Variants in RBFOX1 observed in about 807,000 individuals in gnomAD.
The protein encoded by RBFOX1 is RNA binding fox-1 homolog 1.
RBFOX1 carries 8 observed loss-of-function variants against 57.7 expected under a neutral mutation model. The observed-to-expected ratio is 0.14, with a 90% confidence interval of 0.08 to 0.25. The LOEUF (loss-of-function observed/expected upper bound fraction) is 0.25. Among genes scored for constraint, RBFOX1 ranks in the 10% least tolerant of loss-of-function variants. The probability of loss-of-function intolerance (pLI) is 1.00; values close to 1 mark genes in which losing one functional copy is unlikely to be tolerated. For synonymous variants in RBFOX1, 326 were observed against 222.4 expected (o/e 1.47, Z -4.15); for missense variants, 611 against 548.5 (o/e 1.11, Z -1.14).
intron 4 of RBFOX1, among the ~76,000 whole-genome samples, chr16:7,391,733 G>A (rs939271178): frequency 2.0e-5 from 3 of 152,094 alleles, no homozygotes; most frequent in Non-Finnish European, 4.4e-5. Context: ...TTCTTCCTAC[G>A]CATCCTCAGC....
chr16:6,440,236 C>G lies in RBFOX1; in HGVS notation c.-64+123179C>G, dbSNP rs1264530944. On this transcript the variant is annotated intron_variant, in intron 2 of 15. Coordinates refer to ENST00000550418, the MANE Select transcript of RBFOX1 (RefSeq NM_018723.4). ...AGGCGTGAGCCTTAGGTGGCCATTTCTAAATATACATGTATTGATGAGTAA... is the reference window on the plus strand; with the variant it reads ...AGGCGTGAGCCTTAGGTGGCCATTTGTAAATATACATGTATTGATGAGTAA... Among the ~76,000 whole-genome samples, 7 of 151,972 alleles carry G rather than the reference C, an allele frequency of 4.6e-5. No individual in the cohort carries two copies. The East Asian group carries it at 1.4e-3, about 30-fold the overall frequency.
chr16:5,878,767 G>A (rs1386009034), intron 4 of RBFOX1, among the ~76,000 whole-genome samples: 1 of 152,144 alleles, frequency 6.6e-6, no homozygotes, highest in African/African-American at 2.4e-5. Flanking sequence ...CTGTGAAATG[G>A]TGTGGTGTTT....
chr16:6,657,881 T>G (rs1603110028), intron 3 of RBFOX1, among the ~76,000 whole-genome samples: 1 of 152,162 alleles, frequency 6.6e-6, no homozygotes, highest in Admixed American at 6.5e-5. Context: ...AGAACCCCTA[T>G]AGGATGTGAT....
At chr16:7,587,023 T>G (rs562328466) in intron 6 of RBFOX1, among the ~76,000 whole-genome samples, 1 of 152,228 alleles carries the variant, frequency 6.6e-6, no homozygotes, top group Non-Finnish European at 1.5e-5. Context: ...ATTAACCTCT[T>G]GATTAATATT....
At chr16:7,588,818 A>G (rs760089356) in intron 7 of RBFOX1, among the ~76,000 whole-genome samples, 1 of 152,064 alleles carries the variant, frequency 6.6e-6, no homozygotes, top group Non-Finnish European at 1.5e-5. Flanking sequence ...CTCCTAAGTA[A>G]ATTTAGTACT....
intron 5 of RBFOX1, among the ~76,000 whole-genome samples, chr16:7,531,224 C>A (rs11643560): frequency 0.077 from 11,756 of 152,102 alleles, 601 homozygotes; most frequent in African/African-American, 0.14. Flanking sequence ...ATGTAAATGC[C>A]CATTCTGATT....
At chr16:5,830,973 C>A (rs868639009) in intron 3 of RBFOX1, among the ~76,000 whole-genome samples, 2 of 152,258 alleles carry the variant, frequency 1.3e-5, no homozygotes, top group African/African-American at 2.4e-5. Context: ...CCTATCCCCC[C>A]CCAACTCTGT....
At chr16:5,343,568 G>A (rs1350763328) in intron 1 of RBFOX1, among the ~76,000 whole-genome samples, 1 of 151,654 alleles carries the variant, frequency 6.6e-6, no homozygotes, top group Non-Finnish European at 1.5e-5. Flanking sequence ...TGATCTACCT[G>A]CCTTGGCCTC....
chr16:6,457,443 C>CCCCCT (rs1555484712), intron 2 of RBFOX1, among the ~76,000 whole-genome samples: 3 of 75,100 alleles, frequency 4.0e-5, no homozygotes, highest in Non-Finnish European at 8.3e-5. Context: ...GGAAGTCCCC[C>CCCCCT]CCCCCGCAAT....
At position 7,326,157 on chromosome 16, in the gene RBFOX1, C is replaced by A. The variant is rs565844614; in HGVS notation, c.28-191990C>A. 1.8e-4 allele frequency among the ~76,000 whole-genome samples: 27 copies of A among 152,180 alleles called. 1 individual carries two copies. The highest frequency in any genetic ancestry group is 2.8e-4 in the Non-Finnish European group (19 of 68,048). On this transcript the variant is annotated intron_variant, in intron 4 of 15. Coordinates refer to ENST00000550418, the MANE Select transcript of RBFOX1 (RefSeq NM_018723.4). The stretch of plus-strand genomic sequence containing the variant: ...CTCAAATACTTATTGAGCAACTACT[C>A]TGTGCCCAGTCCTGGGTGAATGGCA...
chr16:6,928,353 A>G (rs750721592), intron 3 of RBFOX1, among the ~76,000 whole-genome samples: 34 of 152,172 alleles, frequency 2.2e-4, no homozygotes, highest in Non-Finnish European at 4.3e-4. Context: ...AGAAAAGAGG[A>G]AAAGAGAATC....
intron 4 of RBFOX1, among the ~76,000 whole-genome samples, chr16:5,950,481 T>C (rs1453301432): frequency 1.3e-5 from 2 of 152,240 alleles, no homozygotes; most frequent in East Asian, 3.8e-4. Context: ...TTATCTGGTA[T>C]TCTGATGTGA....
At chr16:5,950,204 C>G (rs758222385) in intron 4 of RBFOX1, among the ~76,000 whole-genome samples, 1 of 152,190 alleles carries the variant, frequency 6.6e-6, no homozygotes, top group East Asian at 1.9e-4. Flanking sequence ...TAAAAAATGA[C>G]ACGGACTTTC....
chr16:7,136,676 C>G (rs1466533924), intron 4 of RBFOX1, among the ~76,000 whole-genome samples: 2 of 152,130 alleles, frequency 1.3e-5, no homozygotes, highest in Non-Finnish European at 2.9e-5. Flanking sequence ...CTTGGCCTCC[C>G]AAAGTGTTGG....
chr16:6,697,317 A>G (rs977843214), intron 3 of RBFOX1, among the ~76,000 whole-genome samples: 1 of 152,148 alleles, frequency 6.6e-6, no homozygotes, highest in Admixed American at 6.5e-5. Flanking sequence ...TTTGGTCACT[A>G]AGCTTGCCAG....
chr16:7,293,740 G>C (rs1011117904), intron 4 of RBFOX1, among the ~76,000 whole-genome samples: 1 of 152,136 alleles, frequency 6.6e-6, no homozygotes, highest in African/African-American at 2.4e-5. Context: ...TACATCCCCA[G>C]TGTCACCTTG....
At chr16:5,847,441 G>C (rs944295593) in intron 3 of RBFOX1, among the ~76,000 whole-genome samples, 1 of 152,092 alleles carries the variant, frequency 6.6e-6, no homozygotes, top group Non-Finnish European at 1.5e-5. Flanking sequence ...TGTTACAGGA[G>C]AGAGATCTTT....
intron 1 of RBFOX1, among the ~76,000 whole-genome samples, chr16:6,158,990 C>T (rs1343310646): frequency 1.3e-5 from 2 of 152,014 alleles, no homozygotes; most frequent in Non-Finnish European, 2.9e-5. Flanking sequence ...GCAACCTCCA[C>T]CTCCTGGGTT....
chr16:7,194,690 G>C (rs1013893063), intron 4 of RBFOX1, among the ~76,000 whole-genome samples: 10 of 152,112 alleles, frequency 6.6e-5, no homozygotes, highest in Admixed American at 5.2e-4. Context: ...CAATTTTAGA[G>C]GTTGAGGTGG....
Sources: gnomAD v4.1 joint callset for allele counts (sites outside exome capture counted in the v4.1 genomes callset) on GRCh38, gnomAD v4.1.1 for gene constraint, MANE v1.5 for transcripts, NCBI Gene and HGNC (gene_info 2026-07-23, HGNC 2026-07-21) for gene names.